The following ZNF708 variants were observed in gnomAD, a reference collection of about 807,000 sequenced individuals.
ZNF708 encodes zinc finger protein 708.
ZNF708 carries 44 observed loss-of-function variants against 47.0 expected under a neutral mutation model. That is an observed-to-expected ratio of 0.94 (90% confidence interval 0.74 to 1.20). ZNF708 has a LOEUF of 1.20. Among genes scored for constraint, ZNF708 ranks in the 50% most tolerant of loss-of-function variants. ZNF708 has a pLI of 0.00. For synonymous variants in ZNF708, 184 were observed against 218.5 expected (o/e 0.84, Z 1.39); for missense variants, 557 against 656.0 (o/e 0.85, Z 1.65).
At chr19:21,329,124 G>C (rs1165982996) in intron 1 of ZNF708, 86 bp downstream of exon 1, 1 of 1,569,486 alleles carries the variant, frequency 6.4e-7, no homozygotes, top group Non-Finnish European at 8.8e-7. Flanking sequence ...AGATGACTGC[G>C]GGGAGTCCTG....
At chr19:21,307,150 AAATAT>A (rs1249210439) in intron 3 of ZNF708, among the ~76,000 whole-genome samples, 28 of 132,802 alleles carry the variant, frequency 2.1e-4, no homozygotes, top group South Asian at 7.2e-4. Context: ...AAATAAAATA[AAATAT>A]AATATAAAAT....
intron 3 of ZNF708, among the ~76,000 whole-genome samples, chr19:21,306,562 A>C (rs774795072): frequency 1.2e-4 from 18 of 152,226 alleles, no homozygotes; most frequent in Non-Finnish European, 1.9e-4. Flanking sequence ...TAAATTTATG[A>C]AAAACACCAA....
chr19:21,303,780 T>C (rs1461444577), intron 3 of ZNF708, among the ~76,000 whole-genome samples: 1 of 151,834 alleles, frequency 6.6e-6, no homozygotes, highest in African/African-American at 2.4e-5. Context: ...TTAGACATAA[T>C]ATGCTTTTAG....
At chr19:21,315,351 C>T (rs1972980778) in intron 1 of ZNF708, among the ~76,000 whole-genome samples, 1 of 152,272 alleles carries the variant, frequency 6.6e-6, no homozygotes, top group Non-Finnish European at 1.5e-5. Context: ...CAAAGTCTGG[C>T]CCTGTCTTGT....
At chr19:21,315,430 G>A (rs1369530336) in intron 1 of ZNF708, among the ~76,000 whole-genome samples, 2 of 152,162 alleles carry the variant, frequency 1.3e-5, no homozygotes, top group Non-Finnish European at 1.5e-5. Flanking sequence ...GCATCCTTAG[G>A]TGTTACAGAA....
At chr19:21,325,940 T>A (rs1285569280) in intron 1 of ZNF708, among the ~76,000 whole-genome samples, 2 of 152,152 alleles carry the variant, frequency 1.3e-5, no homozygotes, top group African/African-American at 4.8e-5. Flanking sequence ...GGTATACAAA[T>A]GGCCAACAAA....
chr19:21,306,305 A>G (rs1055893711), intron 3 of ZNF708, among the ~76,000 whole-genome samples: 1 of 152,174 alleles, frequency 6.6e-6, no homozygotes, highest in Non-Finnish European at 1.5e-5. Context: ...AAATGGGTGA[A>G]AATATTTGCA....
intron 3 of ZNF708, 107 bp from the exon 4 acceptor site, chr19:21,294,846 A>G (rs1972496896): frequency 2.8e-6 from 3 of 1,072,612 alleles, no homozygotes; most frequent in Non-Finnish European, 3.9e-6. Flanking sequence ...GCAAAATACT[A>G]CAGATCCTAA....
Position 21,329,254 on chromosome 19 carries a change from TCCCAA to T in ZNF708, c.-47_-43del, listed in dbSNP as rs1973327176. ...GGTCCTGGAGTCTTAGCTGTGGATC[TCCCAA>T]TACCTGCAGGTCACAGAGCCACAGA... On this transcript the variant is annotated 5_prime_UTR_variant, in exon 1 of 4. Coordinates refer to ENST00000356929, the MANE Select transcript of ZNF708 (RefSeq NM_021269.3). 1 of 1,609,346 alleles carries T rather than the reference TCCCAA, an allele frequency of 6.2e-7. No homozygotes were observed. The highest frequency in any genetic ancestry group is 8.5e-7 in the Non-Finnish European group (1 of 1,176,920).
At chr19:21,324,527 A>G (rs1387217584) in intron 1 of ZNF708, among the ~76,000 whole-genome samples, 1 of 152,168 alleles carries the variant, frequency 6.6e-6, no homozygotes, top group East Asian at 1.9e-4. Flanking sequence ...AGATCATGAC[A>G]TTGCACTCCA....
rs188797233 is a variant in ZNF708 at position 21,321,606 on chromosome 19, A to G, written c.3+7604T>C. Among the ~76,000 whole-genome samples the G allele has an allele frequency of 4.5e-3, 586 of 129,896 alleles. 4 individuals carry two copies. The highest frequency in any genetic ancestry group is 7.0e-3 in the Non-Finnish European group (429 of 61,678). 85.2% of individuals were successfully genotyped at this position (129,896 alleles called of 152,430 possible). A position where few individuals can be genotyped will look rare whatever the true frequency, so the allele number is the denominator to read the frequency against. On this transcript the variant is annotated intron_variant, in intron 1 of 3. Coordinates refer to ENST00000356929, the MANE Select transcript of ZNF708 (RefSeq NM_021269.3). ...AAAAAAAGGGAAGAGAAGGGAAGGGAAGGGAAGGGAGAGGATGGGGAGGGG... is the reference window on the plus strand; with the variant it reads ...AAAAAAAGGGAAGAGAAGGGAAGGGGAGGGAAGGGAGAGGATGGGGAGGGG...
chr19:21,324,196 A>G (rs746272143), intron 1 of ZNF708, among the ~76,000 whole-genome samples: 5 of 151,932 alleles, frequency 3.3e-5, no homozygotes, highest in Non-Finnish European at 5.9e-5. Context: ...GTGAGCTGAG[A>G]TCGCGCCACT....
At chr19:21,299,562 C>A (rs1242968709) in intron 3 of ZNF708, among the ~76,000 whole-genome samples, 1 of 151,754 alleles carries the variant, frequency 6.6e-6, no homozygotes, top group Non-Finnish European at 1.5e-5. Flanking sequence ...ACCAGCCTGG[C>A]CAACATGGTG....
Position 21,297,287 on chromosome 19 carries a change from T to A in ZNF708, c.227-2548A>T, listed in dbSNP as rs1365482664. On this transcript the variant is annotated intron_variant, in intron 3 of 3. Transcript: ENST00000356929. ...ATATATATATTTTTTTTTTTTTTTT[T>A]TTTTTTTTTTTTCAGATGGAGTCTC... Among the ~76,000 whole-genome samples the A allele has an allele frequency of 7.4e-3, 728 of 98,114 alleles. 1 individual carries two copies. The highest frequency in any genetic ancestry group is 0.012 in the African/African-American group (300 of 26,008). The allele number at this position is 98,114 out of a possible 152,430, so 64.4% of individuals were successfully genotyped here. A position where few individuals can be genotyped will look rare whatever the true frequency, so the allele number is the denominator to read the frequency against.
chr19:21,308,766 G>C (rs1480823779), intron 3 of ZNF708, among the ~76,000 whole-genome samples: 3 of 151,956 alleles, frequency 2.0e-5, no homozygotes, highest in African/African-American at 4.8e-5. Flanking sequence ...AGAACAAAGT[G>C]AACATCATAC....
intron 1 of ZNF708, among the ~76,000 whole-genome samples, chr19:21,311,469 A>G (rs1204752977): frequency 6.6e-6 from 1 of 152,166 alleles, no homozygotes; most frequent in Non-Finnish European, 1.5e-5. Context: ...ACAGAAGGAC[A>G]CAGCACCACT....
chr19:21,299,184 T>C (rs1599670780), intron 3 of ZNF708, among the ~76,000 whole-genome samples: 1 of 152,028 alleles, frequency 6.6e-6, no homozygotes, highest in Non-Finnish European at 1.5e-5. Context: ...TGAAACCCCG[T>C]CTCTACTAAA....
At chr19:21,296,329 C>A (rs1268224100) in intron 3 of ZNF708, among the ~76,000 whole-genome samples, 1 of 151,880 alleles carries the variant, frequency 6.6e-6, no homozygotes, top group Non-Finnish European at 1.5e-5. Flanking sequence ...GGTGAAACCC[C>A]GTTTCTACTA....
At chr19:21,311,612 T>G (rs1402200517) in intron 1 of ZNF708, among the ~76,000 whole-genome samples, 2 of 152,164 alleles carry the variant, frequency 1.3e-5, no homozygotes, top group East Asian at 3.9e-4. Flanking sequence ...GTAGACATCT[T>G]GAGAATATGC....
Sources: allele counts gnomAD v4.1 joint callset (sites outside exome capture counted in the v4.1 genomes callset), GRCh38; gene constraint gnomAD v4.1.1; transcripts MANE v1.5; gene names NCBI Gene and HGNC (gene_info 2026-07-23, HGNC 2026-07-21).